Variants in APLF observed in about 807,000 individuals in gnomAD.
APLF encodes the protein aprataxin and PNK-like factor.
APLF carries 61 observed loss-of-function variants against 55.6 expected under a neutral mutation model. That is an observed-to-expected ratio of 1.10 (90% confidence interval 0.89 to 1.36). The LOEUF (loss-of-function observed/expected upper bound fraction) is 1.36. Among genes scored for constraint, APLF ranks in the 40% most tolerant of loss-of-function variants. The pLI is 0.00. For synonymous variants in APLF, 207 were observed against 214.8 expected (o/e 0.96, Z 0.32); for missense variants, 611 against 602.5 (o/e 1.01, Z -0.15).
intron 8 of APLF, among the ~76,000 whole-genome samples, chr2:68,566,801 C>T (rs571526726): frequency 2.7e-4 from 41 of 152,088 alleles, no homozygotes; most frequent in African/African-American, 9.4e-4. Context: ...TGTTTGATTC[C>T]AGAATATGTT....
At chr2:68,518,861 G>A (rs375930211) in intron 5 of APLF, among the ~76,000 whole-genome samples, 10,733 of 121,932 alleles carry the variant, frequency 0.088, 603 homozygotes, top group Middle Eastern at 0.19. Context: ...CTAATATTAT[G>A]TCATTAATAT....
intron 9 of APLF, among the ~76,000 whole-genome samples, chr2:68,574,478 C>T (rs1313108604): frequency 6.6e-6 from 1 of 152,138 alleles, no homozygotes; most frequent in African/African-American, 2.4e-5. Flanking sequence ...ACTTTGTGCT[C>T]ATGTCATGAC....
intron 1 of APLF, among the ~76,000 whole-genome samples, chr2:68,485,756 C>A (rs1344006417): frequency 1.3e-5 from 2 of 151,698 alleles, no homozygotes; most frequent in African/African-American, 4.9e-5. Flanking sequence ...TGGAATACAG[C>A]ACACTGAATC....
Position 68,538,041 on chromosome 2 carries a change from C to G in APLF, c.974C>G (p.Ser325Cys), listed in dbSNP as rs369231851. 32 of 1,613,990 alleles carry G rather than the reference C, an allele frequency of 2.0e-5. No individual in the cohort carries two copies. Among genetic ancestry groups the G allele is most frequent in the Non-Finnish European group, 2.7e-5 (32 of 1,180,016 alleles). ...AAAGAAGATGAGGCAATGAGCTGTT[C>G]TGAAAATTGTTCGAGTGCCCAGGGC... ...PHKEDEAMSCSENCSSAQGDS... is the reference protein window; with the variant it reads ...PHKEDEAMSCCENCSSAQGDS... The change falls in exon 7 of 10, where the codon TCT becomes TGT. Residue 325 changes from serine (S) to cysteine (C), a missense_variant. Ser to Cys is a moderately radical substitution (Grantham distance 112). Coordinates refer to ENST00000303795, the MANE Select transcript of APLF (RefSeq NM_173545.3).
chr2:68,578,831 A>T lies in APLF; in HGVS notation c.*809A>T. On this transcript the variant is annotated 3_prime_UTR_variant, in exon 10 of 10. Coordinates refer to ENST00000303795, the MANE Select transcript of APLF (RefSeq NM_173545.3). ...CATTAGTTTTGCCTTAGTTTTTTTG[A>T]CCTCAGATGAAAGTAGCAAGTTGTT... The T allele has an allele frequency of 1.0e-6, 1 of 985,228 alleles. No homozygotes were observed. The highest frequency in any genetic ancestry group is 4.7e-5 in the South Asian group (1 of 21,288). The allele number at this position is 985,228 out of a possible 1,614,324, so 61.0% of individuals were successfully genotyped here. A position where few individuals can be genotyped will look rare whatever the true frequency, so the allele number is the denominator to read the frequency against.
chr2:68,518,844 T>G (rs1163922132), intron 5 of APLF, among the ~76,000 whole-genome samples: 24 of 124,312 alleles, frequency 1.9e-4, no homozygotes, highest in African/African-American at 7.7e-4. Flanking sequence ...TAATATGTAA[T>G]AAAATACTAA....
At chr2:68,513,777 A>T (rs2103953700) in intron 5 of APLF, 97 bp downstream of exon 5, 1 of 1,313,926 alleles carries the variant, frequency 7.6e-7, no homozygotes, top group Non-Finnish European at 1.0e-6. Context: ...TTCTATAGAG[A>T]TAGAGTAGAG....
chr2:68,570,371 C>A (rs983684450), intron 9 of APLF, among the ~76,000 whole-genome samples: 1 of 151,444 alleles, frequency 6.6e-6, no homozygotes, highest in Admixed American at 6.6e-5. Flanking sequence ...TATACATGTG[C>A]CATGTTGGTG....
At chr2:68,537,291 G>T (rs895113345) in intron 6 of APLF, among the ~76,000 whole-genome samples, 1 of 149,836 alleles carries the variant, frequency 6.7e-6, no homozygotes, top group Non-Finnish European at 1.5e-5. Context: ...TATTTTATTT[G>T]TATTTTCTGG....
intron 1 of APLF, among the ~76,000 whole-genome samples, chr2:68,472,180 G>C (rs141479010): frequency 3.3e-5 from 5 of 152,270 alleles, no homozygotes; most frequent in African/African-American, 1.2e-4. Context: ...AGAGATAGCA[G>C]GTTGTAAAAT....
chr2:68,493,272 C>T (rs1676426256), intron 2 of APLF, among the ~76,000 whole-genome samples: 1 of 152,016 alleles, frequency 6.6e-6, no homozygotes, highest in Non-Finnish European at 1.5e-5. Flanking sequence ...CATTGCGTAT[C>T]AGTGGGGAAG....
chr2:68,512,967 CT>C (rs1003304463), intron 3 of APLF, 112 bp from the exon 4 acceptor site: 9 of 887,170 alleles, frequency 1.0e-5, no homozygotes, highest in Non-Finnish European at 1.2e-5. Flanking sequence ...CTATAATCTG[CT>C]TTTTTTGGTT....
intron 5 of APLF, among the ~76,000 whole-genome samples, chr2:68,520,779 C>T (rs937882750): frequency 6.6e-6 from 1 of 151,728 alleles, no homozygotes; most frequent in African/African-American, 2.4e-5. Context: ...CTTAGTATTG[C>T]TTTGGCTAGA....
chr2:68,492,888 A>C (rs1323555428), intron 2 of APLF, among the ~76,000 whole-genome samples: 1 of 152,206 alleles, frequency 6.6e-6, no homozygotes, highest in Non-Finnish European at 1.5e-5. Context: ...AAACTTTCCC[A>C]TAAATGTGAT....
At chr2:68,569,150 T>C (rs1230581933) in intron 9 of APLF, among the ~76,000 whole-genome samples, 2 of 152,130 alleles carry the variant, frequency 1.3e-5, no homozygotes, top group Non-Finnish European at 2.9e-5. Context: ...ATTCACATAT[T>C]CCTTTGTTGA....
At chr2:68,528,583 C>T (rs559753517) in intron 6 of APLF, 40 of 1,533,908 alleles carry the variant, frequency 2.6e-5, no homozygotes, top group East Asian at 4.9e-5. Context: ...CCTCCCCCAC[C>T]GTCAGCAAGC....
intron 1 of APLF, among the ~76,000 whole-genome samples, chr2:68,485,583 T>C (rs1676138448): frequency 6.6e-6 from 1 of 152,112 alleles, no homozygotes; most frequent in African/African-American, 2.4e-5. Flanking sequence ...CCAACAGACC[T>C]TTTTCTTGTT....
chr2:68,577,964 A>G lies in APLF; in HGVS notation c.1478A>G (p.Glu493Gly), dbSNP rs1176088502. 2.5e-6 allele frequency: 4 copies of G among 1,613,522 alleles called. No homozygotes were observed. The highest frequency in any genetic ancestry group is 3.4e-6 in the Non-Finnish European group (4 of 1,179,716). Reference protein sequence around the residue: ...SDWEPGKEDEEKEDVEELLKE... With the variant: ...SDWEPGKEDEGKEDVEELLKE... ...TGGGAACCAGGAAAGGAAGATGAAG[A>G]GAAGGAAGATGTGGAAGAGCTTTTG... Residue 493 changes from glutamate to glycine, a missense_variant, in exon 10 of 10, where the codon GAG becomes GGG. Glu to Gly is a moderately conservative substitution (Grantham distance 98, BLOSUM62 -2). Coordinates refer to ENST00000303795, the MANE Select transcript of APLF (RefSeq NM_173545.3).
chr2:68,568,304 A>G, intron 9 of APLF: 1 of 985,374 alleles, frequency 1.0e-6, no homozygotes, highest in Non-Finnish European at 1.2e-6. Context: ...TCCAGGCTGC[A>G]CTCACTTGCA....
Sources: gnomAD v4.1 joint callset for allele counts (sites outside exome capture counted in the v4.1 genomes callset) on GRCh38, gnomAD v4.1.1 for gene constraint, MANE v1.5 for transcripts, NCBI Gene and HGNC (gene_info 2026-07-23, HGNC 2026-07-21) for gene names.